The following DUOX2 variants were observed in gnomAD, a reference collection of about 807,000 sequenced individuals.
DUOX2 encodes the protein dual oxidase 2.
A neutral mutation model predicts 183.3 loss-of-function variants in DUOX2; 185 were observed. The ratio of observed to expected loss-of-function variants is 1.01; its 90% CI spans 0.90 to 1.14. DUOX2 has a LOEUF of 1.14. Ranked by LOEUF, DUOX2 falls within the 50% of genes most tolerant of loss-of-function variation. The probability of loss-of-function intolerance (pLI) is 0.00; values close to 1 mark genes in which losing one functional copy is unlikely to be tolerated. For missense variants in DUOX2, 1,999 were observed against 2,022.9 expected, an observed-to-expected ratio of 0.99 and a Z score of 0.23; for synonymous variants, 788 against 812.4, an observed-to-expected ratio of 0.97 and a Z score of 0.51.
chr15:45,104,634 G>A (rs1035650738), intron 18 of DUOX2, among the ~76,000 whole-genome samples: 6 of 152,168 alleles, frequency 3.9e-5, no homozygotes, highest in African/African-American at 1.2e-4. Context: ...AAGGGGAAGG[G>A]CGAAGTTAAG....
chr15:45,112,288 G>T (rs1488199660), intron 4 of DUOX2, among the ~76,000 whole-genome samples: 2 of 152,188 alleles, frequency 1.3e-5, no homozygotes, highest in African/African-American at 4.8e-5. Flanking sequence ...TGGCTGGGGA[G>T]CTCAGTTCCC....
At chr15:45,108,013 A>T (rs541253400) in intron 13 of DUOX2, 34 bp downstream of exon 13, 1 of 1,612,106 alleles carries the variant, frequency 6.2e-7, no homozygotes, top group Non-Finnish European at 8.5e-7. Flanking sequence ...CAGGCTGAGG[A>T]GCAGTCTGAG....
chr15:45,097,020 C>T (rs1432003917), intron 29 of DUOX2, among the ~76,000 whole-genome samples: 1 of 152,222 alleles, frequency 6.6e-6, no homozygotes, highest in African/African-American at 2.4e-5. Flanking sequence ...GGTCACTTCT[C>T]ACCATCTGCA....
intron 18 of DUOX2, among the ~76,000 whole-genome samples, chr15:45,104,574 G>A (rs1894166300): frequency 1.3e-5 from 2 of 152,292 alleles, no homozygotes; most frequent in Non-Finnish European, 2.9e-5. Flanking sequence ...ATTTCTCCCT[G>A]GGCCCAAGAA....
intron 26 of DUOX2, among the ~76,000 whole-genome samples, chr15:45,098,573 T>C (rs964356976): frequency 6.6e-6 from 1 of 152,202 alleles, no homozygotes; most frequent in African/African-American, 2.4e-5. Context: ...TGACTTCATC[T>C]CCCAAACACC....
chr15:45,111,949 T>G lies in DUOX2; in HGVS notation c.332A>C (p.His111Pro). The stretch of plus-strand genomic sequence containing the variant: ...CACGCTCACCACGTCGGAAAGAACA[T>G]GGTAGCCTGCGGGCATGGGGCGCCA... The part of the protein sequence containing the change: ...RTVLGVFFGY[H>P]VLSDVVSVET... Residue 111 changes from histidine (H) to proline (P), a missense_variant, in exon 5 of 34, where the codon CAT becomes CCT. His to Pro is a moderately conservative substitution (Grantham distance 77). Coordinates refer to ENST00000389039, the MANE Select transcript of DUOX2 (RefSeq NM_001363711.2). 1 of 1,613,340 alleles carries G rather than the reference T, an allele frequency of 6.2e-7. No individual in the cohort carries two copies. Among genetic ancestry groups the G allele is most frequent in the Non-Finnish European group, 8.5e-7 (1 of 1,179,916 alleles).
At chr15:45,103,679 T>C (rs1377147777) in intron 20 of DUOX2, among the ~76,000 whole-genome samples, 1 of 151,600 alleles carries the variant, frequency 6.6e-6, no homozygotes, top group African/African-American at 2.4e-5. Context: ...AGTGGATTTT[T>C]GTCGTTGGCC....
intron 21 of DUOX2, chr15:45,101,503 T>C (rs1452952206): frequency 1.6e-6 from 1 of 627,778 alleles, no homozygotes; most frequent in East Asian, 2.7e-5. Context: ...GCAGGTCCTT[T>C]GTGTAAAAGA....
Position 45,112,731 on chromosome 15 carries a change from G to A in DUOX2, c.161-13C>T, listed in dbSNP as rs777686402. ...TGCAACCGGCAGCCTGCGGAGGCAGGGAGCGGGGCTCTGTCTAAGCACTCC... is the reference window on the plus strand; with the variant it reads ...TGCAACCGGCAGCCTGCGGAGGCAGAGAGCGGGGCTCTGTCTAAGCACTCC... On this transcript the variant is annotated splice_polypyrimidine_tract_variant and intron_variant, in intron 3 of 33. Coordinates refer to ENST00000389039, the MANE Select transcript of DUOX2 (RefSeq NM_001363711.2). 55 of 1,610,526 alleles carry A rather than the reference G, an allele frequency of 3.4e-5. No homozygotes were observed. Among genetic ancestry groups the A allele is most frequent in the Non-Finnish European group, 4.2e-5 (49 of 1,179,866 alleles).
In DUOX2 at chr15:45,099,462, C is replaced by A. The variant is rs757212555; in HGVS notation, c.3436G>T (p.Ala1146Ser). 6.2e-7 allele frequency: 1 copy of A among 1,613,922 alleles called. No homozygotes were observed. The highest frequency in any genetic ancestry group is 8.5e-7 in the Non-Finnish European group (1 of 1,180,004). Reference protein sequence around the residue: ...VLAILHSAGHAVNVYIFSVSP... With the variant: ...VLAILHSAGHSVNVYIFSVSP... ...ACTGAGAAGATGTAGACATTGACTG[C>A]GTGGCCAGCACTGTGCAAAACTGGA... Residue 1146 changes from alanine (A) to serine (S), a missense_variant, in exon 26 of 34, where the codon GCA becomes TCA. By Grantham distance (99) the Ala-to-Ser change is moderately conservative. Transcript: ENST00000389039.
chr15:45,097,980 A>G (rs1893951086), intron 27 of DUOX2, 29 bp downstream of exon 27: 1 of 1,612,174 alleles, frequency 6.2e-7, no homozygotes, highest in African/African-American at 1.3e-5. Context: ...AAGTCCTCAG[A>G]CAGAACCCCC....
chr15:45,110,583 TCACAGGCAC>T, intron 8 of DUOX2, 58 bp downstream of exon 8: 1 of 1,613,876 alleles, frequency 6.2e-7, no homozygotes, highest in Non-Finnish European at 8.5e-7. Flanking sequence ...CATCCTCCCA[TCACAGGCAC>T]CTGTCTCCTT....
At chr15:45,107,950 G>A (rs1894267632) in intron 13 of DUOX2, 97 bp downstream of exon 13, 2 of 1,422,662 alleles carry the variant, frequency 1.4e-6, no homozygotes, top group Middle Eastern at 2.2e-4. Flanking sequence ...TGGGCTGACT[G>A]GGAATCAAGG....
rs371950111 is a variant in DUOX2, at chr15:45,106,184, G to A, written c.2089C>T (p.Leu697=). 1.2e-6 allele frequency: 2 copies of A among 1,614,236 alleles called. No homozygotes were observed. The highest frequency in any genetic ancestry group is 1.7e-6 in the Non-Finnish European group (2 of 1,180,044). Residue 697 remains leucine, a synonymous_variant, in exon 17 of 34, where the codon CTG becomes TTG. Coordinates refer to ENST00000389039, the MANE Select transcript of DUOX2 (RefSeq NM_001363711.2). ...GTGCGGCATCCTCGGTTGTTGGACA[G>A]GATGAGGTTGACCTGCTGCAGAGGC... ...LQPLQQVNLI[L]SNNRGCRTLL...
intron 25 of DUOX2, 54 bp downstream of exon 25, chr15:45,099,608 C>G (rs1894009456): frequency 6.2e-7 from 1 of 1,605,858 alleles, no homozygotes; most frequent in South Asian, 1.1e-5. Flanking sequence ...ACTGTTTCCC[C>G]CAACTAGACC....
At chr15:45,103,598 A>G (rs112432895) in intron 20 of DUOX2, among the ~76,000 whole-genome samples, 1,936 of 152,318 alleles carry the variant, frequency 0.013, 40 homozygotes, top group African/African-American at 0.044. Context: ...TCACTGTTTC[A>G]CTGGGTAGAG....
chr15:45,100,895 C>T lies in DUOX2; in HGVS notation c.2922-57G>A. 5 of 1,292,698 alleles carry T rather than the reference C, an allele frequency of 3.9e-6. No homozygotes were observed. In the South Asian group the frequency reaches 4.8e-5, roughly 12 times the overall value. 80.1% of individuals were successfully genotyped at this position (1,292,698 alleles called of 1,614,324 possible). A position where few individuals can be genotyped will look rare whatever the true frequency, so the allele number is the denominator to read the frequency against. Reference sequence around the variant, plus strand: ...TGTCTTTGCAGCCAGGAGAACAACTCCCTGGGCAGAGCATGGGGTAGAGGT... The same window carrying T: ...TGTCTTTGCAGCCAGGAGAACAACTTCCTGGGCAGAGCATGGGGTAGAGGT... On this transcript the variant is annotated intron_variant, in intron 22 of 33. Transcript: ENST00000389039.
chr15:45,107,522 C>A, intron 13 of DUOX2, 59 bp from the exon 14 acceptor site: 3 of 1,575,432 alleles, frequency 1.9e-6, no homozygotes, highest in Non-Finnish European at 2.6e-6. Context: ...CTCCAGCAAC[C>A]CCAGGCCCAA....
In DUOX2 at chr15:45,100,146, G is replaced by T; in HGVS notation, c.3088C>A (p.Gln1030Lys). The T allele has an allele frequency of 1.2e-6, 2 of 1,614,196 alleles. No individual in the cohort carries two copies. The highest frequency in any genetic ancestry group is 1.7e-6 in the Non-Finnish European group (2 of 1,180,034). The change falls in exon 24 of 34, where the codon CAG (glutamine) becomes AAG (lysine). Residue 1030 changes from glutamine to lysine, a missense_variant. Gln to Lys is a moderately conservative substitution (Grantham distance 53, BLOSUM62 1). Coordinates refer to ENST00000389039, the MANE Select transcript of DUOX2 (RefSeq NM_001363711.2). The stretch of plus-strand genomic sequence containing the variant: ...TAGTTCTCCACGAAGCGCTTGTACT[G>T]CTGCAGCTTTTGGGCTAGGAAGCCT... ...QRGFLAQKLQ[Q>K]YKRFVENYRR...
Sources: gnomAD v4.1 joint callset for allele counts (sites outside exome capture counted in the v4.1 genomes callset) on GRCh38, gnomAD v4.1.1 for gene constraint, MANE v1.5 for transcripts, NCBI Gene and HGNC (gene_info 2026-07-23, HGNC 2026-07-21) for gene names.